CHST11: variants seen among roughly 807,000 people sequenced by gnomAD.
CHST11 encodes the protein carbohydrate sulfotransferase 11, also known as C4S-1.
In CHST11, 9 loss-of-function variants were observed where a neutral mutation model predicts 30.4. The ratio of observed to expected loss-of-function variants is 0.30; its 90% CI spans 0.18 to 0.52. The LOEUF (loss-of-function observed/expected upper bound fraction) is 0.52, where lower values mean the gene tolerates loss of function less well. CHST11 is among the 20% of genes least tolerant of loss of function. The probability of loss-of-function intolerance (pLI) is 0.97; values close to 1 mark genes in which losing one functional copy is unlikely to be tolerated. For missense variants in CHST11, 348 were observed against 460.6 expected (o/e 0.76, Z 2.24); for synonymous variants, 152 against 187.8 (o/e 0.81, Z 1.56).
rs976576984 is a variant in CHST11 at position 104,676,249 on chromosome 12, C to T, written c.204+74258C>T. 1.3e-5 allele frequency among the ~76,000 whole-genome samples: 2 copies of T among 152,172 alleles called. No individual in the cohort carries two copies. The highest frequency in any genetic ancestry group is 2.9e-5 in the Non-Finnish European group (2 of 68,022). ...AGGTCAGGAGTCTGAAATGGGTCTCCTGGGGCAAGAATCAAGGTGTCCGCA... is the reference window on the plus strand; with the variant it reads ...AGGTCAGGAGTCTGAAATGGGTCTCTTGGGGCAAGAATCAAGGTGTCCGCA... On this transcript the variant is annotated intron_variant, in intron 2 of 2. Transcript: ENST00000303694. This position sits in a 1 kb window ranked among gnomAD's most constrained non-coding sequence, Gnocchi z 4.4.
At chr12:104,581,750 G>A (rs940319320) in intron 1 of CHST11, among the ~76,000 whole-genome samples, 1 of 152,174 alleles carries the variant, frequency 6.6e-6, no homozygotes, top group African/African-American at 2.4e-5. Flanking sequence ...GGCACAGGTG[G>A]TCTCAAAGGG....
chr12:104,482,886 A>C (rs2037640754), intron 1 of CHST11, among the ~76,000 whole-genome samples: 1 of 152,078 alleles, frequency 6.6e-6, no homozygotes, highest in South Asian at 2.1e-4. Flanking sequence ...TTCACGTCTG[A>C]AGTCTCTGCT....
chr12:104,499,044 C>T (rs2037827510), intron 1 of CHST11, among the ~76,000 whole-genome samples: 1 of 152,152 alleles, frequency 6.6e-6, no homozygotes, highest in Admixed American at 6.5e-5. Context: ...TTTTTCCTCC[C>T]ATGGCTGGTT....
chr12:104,670,489 A>G (rs200297304), intron 2 of CHST11, among the ~76,000 whole-genome samples: 1 of 144,584 alleles, frequency 6.9e-6, no homozygotes, highest in Non-Finnish European at 1.5e-5. Context: ...ACACACACTC[A>G]CACTCATACA....
chr12:104,684,749 A>G (rs2039830973), intron 2 of CHST11, among the ~76,000 whole-genome samples: 1 of 152,128 alleles, frequency 6.6e-6, no homozygotes. Flanking sequence ...GGGTTTCACC[A>G]TGTTGACCAG....
At chr12:104,639,476 A>G (rs2039355173) in intron 2 of CHST11, among the ~76,000 whole-genome samples, 1 of 152,154 alleles carries the variant, frequency 6.6e-6, no homozygotes, top group African/African-American at 2.4e-5. Context: ...GGATTTTCCT[A>G]AAGAGAAGTA....
At chr12:104,476,404 C>T (rs956821103) in intron 1 of CHST11, among the ~76,000 whole-genome samples, 2 of 151,648 alleles carry the variant, frequency 1.3e-5, no homozygotes, top group Non-Finnish European at 2.9e-5. Context: ...GTCAGGCTTA[C>T]AGTGTATTTT....
At chr12:104,516,151 T>A (rs2038020615) in intron 1 of CHST11, among the ~76,000 whole-genome samples, 1 of 152,160 alleles carries the variant, frequency 6.6e-6, no homozygotes, top group Non-Finnish European at 1.5e-5. Flanking sequence ...TCCTGTGCAA[T>A]GGAGGCAGTT....
At chr12:104,517,593 C>T (rs557229019) in intron 1 of CHST11, among the ~76,000 whole-genome samples, 5 of 152,228 alleles carry the variant, frequency 3.3e-5, no homozygotes, top group East Asian at 1.9e-4. Context: ...AACCAGCTCC[C>T]GGGTGATGAT....
chr12:104,745,753 G>A (rs988144907), intron 2 of CHST11, among the ~76,000 whole-genome samples: 8 of 152,202 alleles, frequency 5.3e-5, no homozygotes, highest in African/African-American at 1.9e-4. Flanking sequence ...TATTGTTGGT[G>A]TATGAGAGTG....
intron 2 of CHST11, among the ~76,000 whole-genome samples, chr12:104,645,339 G>A (rs1359670733): frequency 3.9e-5 from 6 of 152,228 alleles, no homozygotes; most frequent in Admixed American, 3.9e-4. Flanking sequence ...GGTGGAATCT[G>A]TGATTCTCAT....
chr12:104,553,411 A>G (rs1205016140), intron 1 of CHST11: 1 of 152,276 alleles, frequency 6.6e-6, no homozygotes, highest in Non-Finnish European at 1.5e-5. Flanking sequence ...ACACTGCTAT[A>G]AAGAACTACC....
chr12:104,555,273 G>T (rs550337507), intron 1 of CHST11, among the ~76,000 whole-genome samples: 1 of 152,330 alleles, frequency 6.6e-6, no homozygotes, highest in African/African-American at 2.4e-5. Flanking sequence ...CCATGGAAAA[G>T]AGTATCTGTA....
At chr12:104,659,675 A>G (rs1024764825) in intron 2 of CHST11, among the ~76,000 whole-genome samples, 1 of 152,206 alleles carries the variant, frequency 6.6e-6, no homozygotes, top group East Asian at 1.9e-4. Flanking sequence ...TATTATTAAC[A>G]TTAATTATGG....
intron 2 of CHST11, among the ~76,000 whole-genome samples, chr12:104,715,554 C>T (rs573797601): frequency 6.6e-6 from 1 of 152,316 alleles, no homozygotes; most frequent in Admixed American, 6.5e-5. Context: ...TATAAGTCCT[C>T]ACTTTATAGA....
At chr12:104,465,803 G>A (rs2037451581) in intron 1 of CHST11, among the ~76,000 whole-genome samples, 1 of 152,038 alleles carries the variant, frequency 6.6e-6, no homozygotes, top group Non-Finnish European at 1.5e-5. Flanking sequence ...AAATCTCTTT[G>A]CTTCTGTTCT....
At chr12:104,635,465 A>T (rs532588771) in intron 2 of CHST11, among the ~76,000 whole-genome samples, 34 of 152,298 alleles carry the variant, frequency 2.2e-4, no homozygotes, top group African/African-American at 7.9e-4. Context: ...CAGTCATCTC[A>T]TCACAGGGGG....
intron 1 of CHST11, among the ~76,000 whole-genome samples, chr12:104,561,826 C>T (rs2038516739): frequency 6.7e-6 from 1 of 150,284 alleles, no homozygotes; most frequent in African/African-American, 2.5e-5. Flanking sequence ...GAGTCTCACT[C>T]AGTCGCCAGG....
At chr12:104,743,680 G>A (rs1362634825) in intron 2 of CHST11, among the ~76,000 whole-genome samples, 2 of 152,138 alleles carry the variant, frequency 1.3e-5, no homozygotes, top group East Asian at 1.9e-4. Context: ...CTTGGGTCAT[G>A]GGGGTCTGTT....
Sources: allele counts gnomAD v4.1 joint callset (sites outside exome capture counted in the v4.1 genomes callset), GRCh38; gene constraint gnomAD v4.1.1; non-coding constraint Gnocchi (gnomAD v3.1); transcripts MANE v1.5; gene names NCBI Gene and HGNC (gene_info 2026-07-23, HGNC 2026-07-21).